The following NRXN3 variants were observed in gnomAD, a reference collection of about 807,000 sequenced individuals.
NRXN3 encodes the protein neurexin 3.
Under a neutral mutation model 137.6 loss-of-function variants are expected in NRXN3, and 32 were observed. The ratio of observed to expected loss-of-function variants is 0.23; its 90% CI spans 0.18 to 0.31. NRXN3 has a LOEUF of 0.31. Ranked by LOEUF, NRXN3 falls within the 10% of genes least tolerant of loss-of-function variation. The probability of loss-of-function intolerance (pLI) is 1.00; values close to 1 mark genes in which losing one functional copy is unlikely to be tolerated. For synonymous variants in NRXN3, 798 were observed against 784.5 expected, an observed-to-expected ratio of 1.02 and a Z score of -0.29; for missense variants, 1,574 against 2,062.5, an observed-to-expected ratio of 0.76 and a Z score of 4.59.
intron 16 of NRXN3, among the ~76,000 whole-genome samples, chr14:79,530,990 A>G (rs2153719050): frequency 6.6e-6 from 1 of 152,282 alleles, no homozygotes; most frequent in East Asian, 1.9e-4. Context: ...TTTTGATCTC[A>G]GAGCCCCATT....
chr14:78,701,507 A>AGGTATGG (rs2098278908), intron 6 of NRXN3, among the ~76,000 whole-genome samples: 1 of 152,020 alleles, frequency 6.6e-6, no homozygotes, highest in South Asian at 2.1e-4. Context: ...TTTCAGAATG[A>AGGTATGG]GGTATGGTCT....
At chr14:78,301,614 C>A (rs2076884369) in intron 4 of NRXN3, among the ~76,000 whole-genome samples, 1 of 152,090 alleles carries the variant, frequency 6.6e-6, no homozygotes, top group African/African-American at 2.4e-5. Context: ...ATTCTCCAGC[C>A]CCTATCTCAA....
intron 15 of NRXN3, among the ~76,000 whole-genome samples, chr14:79,253,135 G>T (rs181531073): frequency 1.7e-3 from 265 of 152,294 alleles, no homozygotes; most frequent in African/African-American, 6.0e-3. Context: ...AACATTCCTA[G>T]ATCTGTTCTC....
intron 4 of NRXN3, among the ~76,000 whole-genome samples, chr14:78,556,235 T>C (rs2096735790): frequency 6.6e-6 from 1 of 152,226 alleles, no homozygotes; most frequent in South Asian, 2.1e-4. Context: ...CATCACTAAT[T>C]CATACATCTA....
In NRXN3 at chr14:79,798,917, T is replaced by C. The variant is rs188265825; in HGVS notation, c.4015-6195T>C. Among the ~76,000 whole-genome samples the C allele has an allele frequency of 2.9e-3, 449 of 152,288 alleles. 1 individual carries two copies. Among genetic ancestry groups the C allele is most frequent in the African/African-American group, 0.011 (439 of 41,550 alleles). On this transcript the variant is annotated intron_variant, in intron 19 of 20. Coordinates refer to ENST00000335750, the MANE Select transcript of NRXN3 (RefSeq NM_001330195.2). Reference sequence around the variant, plus strand: ...GTACATAATTAGAAGCCAATGATTATAGAAGCAATAACTCACTGGAGGAAA... The same window carrying C: ...GTACATAATTAGAAGCCAATGATTACAGAAGCAATAACTCACTGGAGGAAA...
intron 15 of NRXN3, among the ~76,000 whole-genome samples, chr14:79,154,204 C>G (rs1352714183): frequency 6.6e-6 from 1 of 152,102 alleles, no homozygotes; most frequent in South Asian, 2.1e-4. Flanking sequence ...AATGGCTTCT[C>G]TCTTCTAGAG....
intron 4 of NRXN3, among the ~76,000 whole-genome samples, chr14:78,379,974 T>C (rs12101283): frequency 5.1e-4 from 77 of 152,286 alleles, no homozygotes; most frequent in African/African-American, 1.8e-3. Context: ...AAAATTAAAA[T>C]ATGATGCCAT....
chr14:79,409,022 A>G (rs2153509052), intron 15 of NRXN3, among the ~76,000 whole-genome samples: 1 of 152,192 alleles, frequency 6.6e-6, no homozygotes, highest in East Asian at 1.9e-4. Context: ...ATTCTGCAGA[A>G]CTTTTCAACC....
chr14:79,320,427 G>A (rs555212444), intron 15 of NRXN3, among the ~76,000 whole-genome samples: 1 of 152,190 alleles, frequency 6.6e-6, no homozygotes, highest in Admixed American at 6.5e-5. Context: ...ATTGTTAATG[G>A]GTATATGAAG....
chr14:78,533,466 T>C (rs1169638627), intron 4 of NRXN3, among the ~76,000 whole-genome samples: 2 of 152,312 alleles, frequency 1.3e-5, no homozygotes, highest in African/African-American at 4.8e-5. Context: ...TCCTATTTCC[T>C]GTGGGGTAAT....
chr14:78,874,727 C>G (rs1393552832), intron 10 of NRXN3, among the ~76,000 whole-genome samples: 1 of 152,202 alleles, frequency 6.6e-6, no homozygotes, highest in Non-Finnish European at 1.5e-5. Flanking sequence ...CCAGCTCTCT[C>G]TTTGCTGGCA....
intron 4 of NRXN3, among the ~76,000 whole-genome samples, chr14:78,453,914 A>G (rs2094612790): frequency 6.6e-6 from 1 of 152,230 alleles, no homozygotes. Flanking sequence ...GGAAATAACC[A>G]GCTCTGAAAA....
At chr14:79,234,504 C>T (rs2073029092) in intron 15 of NRXN3, among the ~76,000 whole-genome samples, 1 of 150,554 alleles carries the variant, frequency 6.6e-6, no homozygotes, top group Non-Finnish European at 1.5e-5. Flanking sequence ...CCCGCCTCAG[C>T]CTCCCGAGTA....
chr14:78,181,414 G>A (rs2059797576), intron 1 of NRXN3, among the ~76,000 whole-genome samples: 1 of 152,160 alleles, frequency 6.6e-6, no homozygotes, highest in Admixed American at 6.5e-5. Flanking sequence ...TCCTTGGAAG[G>A]GAGTGCAGGC....
At chr14:78,961,312 T>C (rs2099407768) in intron 11 of NRXN3, among the ~76,000 whole-genome samples, 1 of 152,072 alleles carries the variant, frequency 6.6e-6, no homozygotes, top group Non-Finnish European at 1.5e-5. Context: ...TGTGTGGAAA[T>C]GGTGAGGACC....
chr14:79,114,839 T>C (rs866079516), intron 15 of NRXN3, among the ~76,000 whole-genome samples: 1 of 152,066 alleles, frequency 6.6e-6, no homozygotes, highest in Non-Finnish European at 1.5e-5. Flanking sequence ...AGAATGGCCT[T>C]TTTATCTTCT....
intron 19 of NRXN3, among the ~76,000 whole-genome samples, chr14:79,766,643 C>T (rs1227767317): frequency 6.6e-6 from 1 of 152,170 alleles, no homozygotes; most frequent in East Asian, 1.9e-4. Flanking sequence ...TCACAAAGAT[C>T]TTCTTAGCTC....
intron 17 of NRXN3, among the ~76,000 whole-genome samples, chr14:79,673,814 C>T (rs1415203018): frequency 6.6e-6 from 1 of 152,016 alleles, no homozygotes; most frequent in Non-Finnish European, 1.5e-5. Flanking sequence ...TTATTAATTG[C>T]CAGGTAGGGT....
chr14:78,332,577 G>A (rs2080964171), intron 4 of NRXN3, among the ~76,000 whole-genome samples: 1 of 152,152 alleles, frequency 6.6e-6, no homozygotes, highest in South Asian at 2.1e-4. Flanking sequence ...GCCTCCCAAA[G>A]TGTTGGGATT....
Sources: gnomAD v4.1 joint callset for allele counts (sites outside exome capture counted in the v4.1 genomes callset) on GRCh38, gnomAD v4.1.1 for gene constraint, MANE v1.5 for transcripts, NCBI Gene and HGNC (gene_info 2026-07-23, HGNC 2026-07-21) for gene names.